ADAP1: variants seen among roughly 807,000 people sequenced by gnomAD.
ADAP1 encodes arf-GAP with dual PH domain-containing protein 1.
ADAP1 carries 31 observed loss-of-function variants against 54.9 expected under a neutral mutation model. The observed-to-expected ratio is 0.56, with a 90% CI of 0.42 to 0.76. ADAP1 has a LOEUF of 0.76. Among genes scored for constraint, ADAP1 ranks in the 30% least tolerant of loss-of-function variants. The probability of loss-of-function intolerance (pLI) is 0.00; values close to 1 mark genes in which losing one functional copy is unlikely to be tolerated. For synonymous variants in ADAP1, 313 were observed against 202.6 expected, an observed-to-expected ratio of 1.55 and a Z score of -4.63; for missense variants, 535 against 512.4, an observed-to-expected ratio of 1.04 and a Z score of -0.42.
At chr7:905,852 G>GGGAGAAAGGAGAAAGGAGAAA (rs1845239854) in intron 4 of ADAP1, among the ~76,000 whole-genome samples, 1 of 46,844 alleles carries the variant, frequency 2.1e-5, no homozygotes, top group African/African-American at 6.5e-5. Flanking sequence ...GAAGGGAGAA[G>GGGAGAAAGGAGAAAGGAGAAA]GGAGAAGGGA....
chr7:941,256 G>A (rs1846932109), intron 1 of ADAP1, among the ~76,000 whole-genome samples: 1 of 152,166 alleles, frequency 6.6e-6, no homozygotes, highest in South Asian at 2.1e-4. Flanking sequence ...AACAGGACAA[G>A]AATGTCTGTT....
In ADAP1 at chr7:954,562, G is replaced by T. The variant is rs1847342883; in HGVS notation, c.-85C>A. 1 of 987,890 alleles carries T rather than the reference G, an allele frequency of 1.0e-6. No individual in the cohort carries two copies. The allele number at this position is 987,890 out of a possible 1,614,324, so 61.2% of individuals were successfully genotyped here. ...CGCTAGGGCCCCGCGCAGGCCGCCC[G>T]CCGCCGCCGCCCCTGCGCCATCCCG... On this transcript the variant is annotated 5_prime_UTR_variant, in exon 1 of 11. Coordinates refer to ENST00000265846, the MANE Select transcript of ADAP1 (RefSeq NM_006869.4).
upstream of ADAP1, chr7:955,232 G>A: frequency 6.7e-7 from 1 of 1,482,498 alleles, no homozygotes; most frequent in Non-Finnish European, 9.2e-7. Context: ...CAGGCTGAGG[G>A]GCCCCGCCGG....
At position 905,165 on chromosome 7, in the gene ADAP1, A is replaced by C; in HGVS notation, c.396T>G (p.Arg132=). Residue 132 remains arginine (R), a synonymous_variant, in exon 5 of 11, where the codon CGT becomes CGG. Transcript: ENST00000265846. Reference sequence around the variant, plus strand: ...GGCCACGCTTCCAGAGAAAACCCTCACGGTACCCTGTGGGGGAAAGGGGAC... The same window carrying C: ...GGCCACGCTTCCAGAGAAAACCCTCCCGGTACCCTGTGGGGGAAAGGGGAC... ...EKQEPYSAGY[R]EGFLWKRGRD... 1 of 1,610,788 alleles carries C rather than the reference A, an allele frequency of 6.2e-7. No individual in the cohort carries two copies.
chr7:906,241 GA>G (rs1415582238), intron 4 of ADAP1, among the ~76,000 whole-genome samples: 1 of 5,446 alleles, frequency 1.8e-4, no homozygotes, highest in Non-Finnish European at 2.9e-4. Context: ...AGGGAGAAAG[GA>G]GAAAGGGAGA....
At chr7:911,906 C>T (rs1037300493) in intron 4 of ADAP1, among the ~76,000 whole-genome samples, 1 of 152,040 alleles carries the variant, frequency 6.6e-6, no homozygotes, top group Non-Finnish European at 1.5e-5. Context: ...ACCCGTCCCC[C>T]CGAGGGGCAG....
chr7:941,858 A>G (rs1295436343), intron 1 of ADAP1, among the ~76,000 whole-genome samples: 3 of 152,244 alleles, frequency 2.0e-5, no homozygotes, highest in Admixed American at 1.3e-4. Context: ...AAAAAAAGAC[A>G]AGGACGGGGA....
intron 4 of ADAP1, among the ~76,000 whole-genome samples, chr7:919,366 G>A (rs1846067574): frequency 6.6e-6 from 1 of 152,114 alleles, no homozygotes; most frequent in Non-Finnish European, 1.5e-5. Flanking sequence ...GCCCCACGAG[G>A]TCCCCATGCA....
chr7:915,726 C>A (rs1280879501), intron 4 of ADAP1, among the ~76,000 whole-genome samples: 1 of 152,164 alleles, frequency 6.6e-6, no homozygotes, highest in East Asian at 1.9e-4. Context: ...GGGCCTGGGG[C>A]AGGAGGCGTC....
At chr7:908,864 C>T (rs924639208) in intron 4 of ADAP1, among the ~76,000 whole-genome samples, 3 of 152,226 alleles carry the variant, frequency 2.0e-5, no homozygotes, top group Non-Finnish European at 4.4e-5. Context: ...TGGGCCACCT[C>T]GCCCACGGGG....
chr7:928,272 C>T (rs922759683), intron 2 of ADAP1, among the ~76,000 whole-genome samples: 4 of 150,854 alleles, frequency 2.7e-5, no homozygotes, highest in South Asian at 2.1e-4. Context: ...GAGGCCGAGG[C>T]GGGAGGATCC....
intron 6 of ADAP1, chr7:901,182 A>AG: frequency 2.7e-6 from 1 of 367,822 alleles, no homozygotes; most frequent in Non-Finnish European, 5.4e-6. Flanking sequence ...CCTGGAACAG[A>AG]GGGCCCATAG....
intron 6 of ADAP1, among the ~76,000 whole-genome samples, chr7:903,167 G>A (rs1844907923): frequency 6.6e-6 from 1 of 152,182 alleles, no homozygotes; most frequent in Non-Finnish European, 1.5e-5. Flanking sequence ...ATGGTCAACT[G>A]CGGCAAGGAA....
At chr7:906,502 AG>A (rs58373074) in intron 4 of ADAP1, among the ~76,000 whole-genome samples, 4,434 of 7,072 alleles carry the variant, frequency 0.63, 1,786 homozygotes, top group African/African-American at 0.82. Context: ...GAAAGGAGAA[AG>A]GGAGAAAGGA....
At position 946,535 on chromosome 7, in the gene ADAP1, ACC is replaced by A. The variant is rs923622252; in HGVS notation, c.82+7859_82+7860del. 6.7e-6 allele frequency among the ~76,000 whole-genome samples: 1 copy of A among 148,244 alleles called. No homozygotes were observed. The highest frequency in any genetic ancestry group is 2.2e-4 in the South Asian group (1 of 4,632). On this transcript the variant is annotated intron_variant, in intron 1 of 10. Coordinates refer to ENST00000265846, the MANE Select transcript of ADAP1 (RefSeq NM_006869.4). This position sits in a 1 kb window ranked among gnomAD's most constrained non-coding sequence, Gnocchi z 4.3. ...AGTCCATTTTCAGAATCCCCCAAGG[ACC>A]CCCCCAGGCTCTGCCCTGCCCCTGC... is the stretch of plus-strand genomic sequence containing the variant.
At chr7:929,076 G>A (rs533536877) in intron 2 of ADAP1, among the ~76,000 whole-genome samples, 59 of 152,004 alleles carry the variant, frequency 3.9e-4, no homozygotes, top group African/African-American at 1.4e-3. Context: ...GGCAGATCAC[G>A]AGGTCAGGAG....
At chr7:904,361 C>T (rs3824077) in intron 5 of ADAP1, 89 bp from the exon 6 acceptor site, 1,122,387 of 1,476,144 alleles carry the variant, frequency 0.76, 427,195 homozygotes, top group Admixed American at 0.83. Context: ...GTGCTGGCGG[C>T]GCACCTGCTG....
chr7:952,312 G>GT (rs1847291780), intron 1 of ADAP1, among the ~76,000 whole-genome samples: 1 of 152,098 alleles, frequency 6.6e-6, no homozygotes, highest in African/African-American at 2.4e-5. Context: ...CAGGCCTGGC[G>GT]TTCAGAGGTG....
intron 1 of ADAP1, among the ~76,000 whole-genome samples, chr7:947,961 C>T (rs1847184838): frequency 1.3e-5 from 2 of 151,954 alleles, no homozygotes; most frequent in African/African-American, 2.4e-5. Context: ...GCGAGGTGCA[C>T]GGCTGCCCCC....
Sources: allele counts gnomAD v4.1 joint callset (sites outside exome capture counted in the v4.1 genomes callset), GRCh38; gene constraint gnomAD v4.1.1; non-coding constraint Gnocchi (gnomAD v3.1); transcripts MANE v1.5; gene names NCBI Gene and HGNC (gene_info 2026-07-23, HGNC 2026-07-21).